Variants in PDZRN4 observed in about 807,000 individuals in gnomAD.
PDZRN4 encodes the protein PDZ domain containing ring finger 4.
PDZRN4 carries 70 observed loss-of-function variants against 99.0 expected under a neutral mutation model. The observed-to-expected ratio is 0.71, with a 90% CI of 0.58 to 0.86. The LOEUF (loss-of-function observed/expected upper bound fraction) is 0.86. PDZRN4 is among the 40% of genes least tolerant of loss of function. PDZRN4 has a pLI of 0.00. For synonymous variants in PDZRN4, 551 were observed against 501.6 expected, an observed-to-expected ratio of 1.10 and a Z score of -1.32; for missense variants, 1,474 against 1,331.2, an observed-to-expected ratio of 1.11 and a Z score of -1.67.
chr12:41,363,511 C>A (rs1469976023), intron 3 of PDZRN4, among the ~76,000 whole-genome samples: 1 of 152,000 alleles, frequency 6.6e-6, no homozygotes, highest in African/African-American at 2.4e-5. Flanking sequence ...TGTATTTATT[C>A]AGGATGTAAC....
At chr12:41,567,957 T>C (rs1000110245) in intron 9 of PDZRN4, 58 bp downstream of exon 9, 4 of 995,212 alleles carry the variant, frequency 4.0e-6, no homozygotes, top group Non-Finnish European at 6.1e-6. Flanking sequence ...TTTTTTAATG[T>C]GTAACCATAA....
intron 3 of PDZRN4, among the ~76,000 whole-genome samples, chr12:41,209,706 A>G (rs2120690872): frequency 6.7e-6 from 1 of 150,076 alleles, no homozygotes; most frequent in East Asian, 2.0e-4. Context: ...ATAGTATTCC[A>G]TGGTGTATAT....
chr12:41,255,530 T>C (rs1032669414), intron 3 of PDZRN4, among the ~76,000 whole-genome samples: 2 of 152,238 alleles, frequency 1.3e-5, no homozygotes, highest in Non-Finnish European at 2.9e-5. Flanking sequence ...TTCTGTCATG[T>C]CTACCAACAT....
At chr12:41,438,576 A>G (rs1468023749) in intron 3 of PDZRN4, among the ~76,000 whole-genome samples, 3 of 152,216 alleles carry the variant, frequency 2.0e-5, no homozygotes, top group African/African-American at 7.2e-5. Context: ...AAATTCTCTT[A>G]CCACTTGTTA....
intron 5 of PDZRN4, among the ~76,000 whole-genome samples, chr12:41,552,190 A>T (rs933435770): frequency 3.9e-5 from 6 of 152,064 alleles, no homozygotes; most frequent in African/African-American, 1.2e-4. Flanking sequence ...AGCAGAATTG[A>T]TGGAAACAGC....
chr12:41,408,507 G>T (rs541701028), intron 3 of PDZRN4, among the ~76,000 whole-genome samples: 1 of 152,244 alleles, frequency 6.6e-6, no homozygotes, highest in South Asian at 2.1e-4. Context: ...GAAGTCTTCT[G>T]AAGTGAAAAT....
chr12:41,300,352 AAC>A (rs1951526779), intron 3 of PDZRN4, among the ~76,000 whole-genome samples: 1 of 152,002 alleles, frequency 6.6e-6, no homozygotes, highest in Non-Finnish European at 1.5e-5. Flanking sequence ...TACTACAATT[AAC>A]ACAGTTTTCC....
At chr12:41,249,399 T>C (rs1353982611) in intron 3 of PDZRN4, among the ~76,000 whole-genome samples, 1 of 152,182 alleles carries the variant, frequency 6.6e-6, no homozygotes, top group African/African-American at 2.4e-5. Flanking sequence ...AAGAAGTTAT[T>C]TTGGAGAAAA....
intron 3 of PDZRN4, among the ~76,000 whole-genome samples, chr12:41,207,157 T>A (rs1334229929): frequency 2.0e-5 from 3 of 151,892 alleles, no homozygotes; most frequent in African/African-American, 7.2e-5. Flanking sequence ...TTAGAGGACA[T>A]TTCTTTTTGT....
chr12:41,393,519 A>C lies in PDZRN4; in HGVS notation c.844-112937A>C, dbSNP rs879553851. On this transcript the variant is annotated intron_variant, in intron 3 of 9. Transcript: ENST00000402685. ...AACCCTTCTAAAATAAAAAAAAAAA[A>C]TGTAGCTTTTCTTATTATGCATTGC... Among the ~76,000 whole-genome samples the C allele has an allele frequency of 2.1e-3, 319 of 149,548 alleles. 1 individual carries two copies. Among genetic ancestry groups the C allele is most frequent in the South Asian group, 8.9e-3 (42 of 4,706 alleles).
chr12:41,290,306 G>A (rs888998724), intron 3 of PDZRN4, among the ~76,000 whole-genome samples: 1 of 152,098 alleles, frequency 6.6e-6, no homozygotes, highest in African/African-American at 2.4e-5. Flanking sequence ...ATTGAGTGAA[G>A]GCTTTTAAAA....
chr12:41,444,211 G>A (rs1308648133), intron 3 of PDZRN4, among the ~76,000 whole-genome samples: 1 of 152,100 alleles, frequency 6.6e-6, no homozygotes, highest in Non-Finnish European at 1.5e-5. Context: ...TGGGCGTGCT[G>A]TCAGCAAAAG....
intron 3 of PDZRN4, among the ~76,000 whole-genome samples, chr12:41,244,643 G>A (rs1951121744): frequency 6.7e-6 from 1 of 148,948 alleles, no homozygotes; most frequent in Non-Finnish European, 1.5e-5. Flanking sequence ...CCCCTGGAAG[G>A]CCTTCACCCA....
chr12:41,545,322 T>G (rs957806501), intron 5 of PDZRN4, among the ~76,000 whole-genome samples: 1 of 152,196 alleles, frequency 6.6e-6, no homozygotes, highest in African/African-American at 2.4e-5. Flanking sequence ...TGAAATGCTG[T>G]TTCCTACCTC....
At chr12:41,239,389 G>A (rs1000098189) in intron 3 of PDZRN4, among the ~76,000 whole-genome samples, 5 of 152,156 alleles carry the variant, frequency 3.3e-5, no homozygotes, top group African/African-American at 1.2e-4. Flanking sequence ...CCTAGGTGAT[G>A]GGTTGAACTG....
At chr12:41,571,504 A>C (rs1939479247) in intron 9 of PDZRN4, among the ~76,000 whole-genome samples, 1 of 152,006 alleles carries the variant, frequency 6.6e-6, no homozygotes, top group Non-Finnish European at 1.5e-5. Flanking sequence ...GTGCTGTTCA[A>C]ATTTTCATGG....
chr12:41,558,193 T>G (rs285577), intron 7 of PDZRN4, among the ~76,000 whole-genome samples: 1 of 152,184 alleles, frequency 6.6e-6, no homozygotes, highest in African/African-American at 2.4e-5. Flanking sequence ...ATGTAATCTT[T>G]TGATGCTCAG....
chr12:41,564,088 A>G (rs1026233753), intron 8 of PDZRN4, among the ~76,000 whole-genome samples: 1 of 152,178 alleles, frequency 6.6e-6, no homozygotes, highest in Non-Finnish European at 1.5e-5. Context: ...TTCCATCTGA[A>G]AATACTTAAA....
chr12:41,401,785 A>C (rs977783667), intron 3 of PDZRN4, among the ~76,000 whole-genome samples: 2 of 151,952 alleles, frequency 1.3e-5, no homozygotes, highest in African/African-American at 2.4e-5. Flanking sequence ...ATGTCACAAA[A>C]AGACTATAAT....
Sources: allele counts gnomAD v4.1 joint callset (sites outside exome capture counted in the v4.1 genomes callset), GRCh38; gene constraint gnomAD v4.1.1; transcripts MANE v1.5; gene names NCBI Gene and HGNC (gene_info 2026-07-23, HGNC 2026-07-21).